SAMD4A: variants seen among roughly 807,000 people sequenced by gnomAD.
The protein encoded by SAMD4A is sterile alpha motif domain containing 4A.
In SAMD4A, 33 loss-of-function variants were observed where a neutral mutation model predicts 81.3. That is an observed-to-expected ratio of 0.41 (90% CI 0.31 to 0.54). The LOEUF is 0.54. SAMD4A is among the 20% of genes least tolerant of loss of function. The probability of loss-of-function intolerance (pLI) is 0.37; values close to 1 mark genes in which losing one functional copy is unlikely to be tolerated. For missense variants in SAMD4A, 854 were observed against 951.1 expected, an observed-to-expected ratio of 0.90 and a Z score of 1.34; for synonymous variants, 389 against 382.1, an observed-to-expected ratio of 1.02 and a Z score of -0.21.
chr14:54,625,539 T>C (rs1005062805), intron 2 of SAMD4A, among the ~76,000 whole-genome samples: 2 of 152,246 alleles, frequency 1.3e-5, no homozygotes, highest in African/African-American at 2.4e-5. Flanking sequence ...GCTTGTTTAT[T>C]GACAAACTGT....
chr14:54,786,063 C>T (rs1391054887), intron 12 of SAMD4A, among the ~76,000 whole-genome samples: 1 of 152,176 alleles, frequency 6.6e-6, no homozygotes, highest in Non-Finnish European at 1.5e-5. Flanking sequence ...TCAGCAGCCC[C>T]CTAATGAGAA....
At chr14:54,589,712 T>C (rs2140177115) in intron 2 of SAMD4A, among the ~76,000 whole-genome samples, 1 of 152,342 alleles carries the variant, frequency 6.6e-6, no homozygotes. Flanking sequence ...CACAGTCCCT[T>C]CCCTAGTTTG....
intron 2 of SAMD4A, among the ~76,000 whole-genome samples, chr14:54,700,512 T>G (rs1222355917): frequency 6.6e-6 from 1 of 152,212 alleles, no homozygotes; most frequent in African/African-American, 2.4e-5. Flanking sequence ...TGGGCTTGTT[T>G]TGTTATGTTT....
chr14:54,683,968 A>G (rs932819286), intron 2 of SAMD4A, among the ~76,000 whole-genome samples: 4 of 152,220 alleles, frequency 2.6e-5, no homozygotes, highest in African/African-American at 7.2e-5. Flanking sequence ...AAGTCAATCC[A>G]TTACTGGCTC....
chr14:54,641,271 G>C (rs561903384), intron 2 of SAMD4A, among the ~76,000 whole-genome samples: 3 of 152,274 alleles, frequency 2.0e-5, no homozygotes, highest in East Asian at 1.9e-4. Flanking sequence ...ATCAGTAAAG[G>C]CATTATCATC....
At chr14:54,593,987 A>G (rs2033848653) in intron 2 of SAMD4A, among the ~76,000 whole-genome samples, 1 of 152,130 alleles carries the variant, frequency 6.6e-6, no homozygotes, top group South Asian at 2.1e-4. Context: ...AAATTTTCAG[A>G]CCAGATCATA....
At chr14:54,623,536 A>T (rs1400945043) in intron 2 of SAMD4A, among the ~76,000 whole-genome samples, 2 of 149,840 alleles carry the variant, frequency 1.3e-5, no homozygotes, top group East Asian at 4.0e-4. Context: ...AAGGTATAAA[A>T]GATTATTCCA....
At chr14:54,576,973 G>A (rs1267383491) in intron 2 of SAMD4A, among the ~76,000 whole-genome samples, 2 of 152,152 alleles carry the variant, frequency 1.3e-5, no homozygotes, top group Admixed American at 6.5e-5. Flanking sequence ...GCTGGTGTGC[G>A]GGTGGCTTAT....
chr14:54,767,734 G>T (rs952131739), intron 8 of SAMD4A, among the ~76,000 whole-genome samples: 5 of 152,222 alleles, frequency 3.3e-5, no homozygotes, highest in Admixed American at 3.3e-4. Context: ...GCCAGCGGAG[G>T]GGGCTGCAGT....
rs577088276 is a variant in SAMD4A at position 54,578,893 on chromosome 14, C to T, written c.196+10781C>T. ...ATCACTGTGATGAGTAGGGCTTCCA[C>T]ATTTAAGAAAAAGCTGTAATGAAGT... On this transcript the variant is annotated intron_variant, in intron 2 of 12. Transcript: ENST00000554335. Among the ~76,000 whole-genome samples, 17 of 152,200 alleles carry T rather than the reference C, an allele frequency of 1.1e-4. No individual in the cohort carries two copies. In the South Asian group the frequency reaches 3.5e-3, roughly 32 times the overall value.
chr14:54,656,672 G>T (rs959436053), intron 2 of SAMD4A, among the ~76,000 whole-genome samples: 1 of 152,156 alleles, frequency 6.6e-6, no homozygotes, highest in African/African-American at 2.4e-5. Context: ...GTGTTGCCCA[G>T]GCTGGAGGGC....
At chr14:54,764,419 G>A (rs769805021) in intron 7 of SAMD4A, 36 bp from the exon 8 acceptor site, 1 of 1,363,500 alleles carries the variant, frequency 7.3e-7, no homozygotes, top group East Asian at 2.3e-5. Flanking sequence ...AGAAAGGGGT[G>A]CATTTTTCTA....
intron 12 of SAMD4A, among the ~76,000 whole-genome samples, chr14:54,787,486 G>T (rs551987685): frequency 6.6e-5 from 10 of 152,164 alleles, no homozygotes; most frequent in African/African-American, 2.4e-4. Context: ...TGTCACTTGG[G>T]TCCTCCAGCT....
chr14:54,607,001 C>T (rs1173910295), intron 2 of SAMD4A, among the ~76,000 whole-genome samples: 1 of 152,156 alleles, frequency 6.6e-6, no homozygotes, highest in African/African-American at 2.4e-5. Flanking sequence ...AGTGGACTCA[C>T]CAGAGCTGGG....
chr14:54,625,912 T>C (rs914403030), intron 2 of SAMD4A, among the ~76,000 whole-genome samples: 13 of 147,540 alleles, frequency 8.8e-5, no homozygotes, highest in Admixed American at 8.6e-4. Flanking sequence ...CTTCAAACTT[T>C]TAGTTGTTTC....
intron 11 of SAMD4A, among the ~76,000 whole-genome samples, chr14:54,781,124 CA>C (rs1178744946): frequency 6.6e-6 from 1 of 152,204 alleles, no homozygotes; most frequent in African/African-American, 2.4e-5. Context: ...TCTAGTTATC[CA>C]ACAGAGTTGC....
intron 3 of SAMD4A, among the ~76,000 whole-genome samples, chr14:54,725,618 G>A (rs2140884058): frequency 6.6e-6 from 1 of 152,284 alleles, no homozygotes; most frequent in East Asian, 1.9e-4. Context: ...CTTTTGAGAT[G>A]ATTTTTCCAT....
upstream of SAMD4A, among the ~76,000 whole-genome samples, chr14:54,566,025 C>G (rs1053418359): frequency 6.6e-6 from 1 of 152,110 alleles, no homozygotes; most frequent in African/African-American, 2.4e-5. Context: ...TCCTCTCCCC[C>G]CGCTCGGGCG....
chr14:54,736,986 G>C (rs372654902), intron 3 of SAMD4A, 38 bp from the exon 4 acceptor site: 23 of 1,606,058 alleles, frequency 1.4e-5, no homozygotes, highest in Middle Eastern at 1.7e-4. Flanking sequence ...AGGATAAAGG[G>C]GGGGGAATAA....
Sources: allele counts gnomAD v4.1 joint callset (sites outside exome capture counted in the v4.1 genomes callset), GRCh38; gene constraint gnomAD v4.1.1; transcripts MANE v1.5; gene names NCBI Gene and HGNC (gene_info 2026-07-23, HGNC 2026-07-21).